The following ENTPD4 variants were observed in gnomAD, a reference collection of about 807,000 sequenced individuals.
ENTPD4 encodes Golgi UDPase.
Under a neutral mutation model 79.1 loss-of-function variants are expected in ENTPD4, and 60 were observed. That is an observed-to-expected ratio of 0.76 (90% CI 0.62 to 0.94). The LOEUF (loss-of-function observed/expected upper bound fraction) is 0.94, where lower values mean the gene tolerates loss of function less well. Among genes scored for constraint, ENTPD4 ranks in the 40% least tolerant of loss-of-function variants. The probability of loss-of-function intolerance (pLI) is 0.00; values close to 1 mark genes in which losing one functional copy is unlikely to be tolerated. For synonymous variants in ENTPD4, 276 were observed against 292.0 expected (o/e 0.95, Z 0.56); for missense variants, 772 against 775.1 (o/e 1.00, Z 0.05).
At chr8:23,439,403 G>C (rs17088182) in intron 9 of ENTPD4, among the ~76,000 whole-genome samples, 36,539 of 152,082 alleles carry the variant, frequency 0.24, 4,638 homozygotes, top group Admixed American at 0.34. Context: ...AGGACACCAC[G>C]AGTGCTCCAG....
intron 5 of ENTPD4, 106 bp downstream of exon 5, chr8:23,444,350 C>A: frequency 1.0e-6 from 1 of 997,088 alleles, no homozygotes; most frequent in South Asian, 1.6e-5. Context: ...ATTTTCCTTT[C>A]AATGATGATG....
Position 23,443,941 on chromosome 8 carries a change from A to C in ENTPD4, c.576T>G (p.Ala192=). 2 of 1,609,768 alleles carry C rather than the reference A, an allele frequency of 1.2e-6. No individual in the cohort carries two copies. Among genetic ancestry groups the C allele is most frequent in the Non-Finnish European group, 1.7e-6 (2 of 1,176,434 alleles). The stretch of plus-strand genomic sequence containing the variant: ...TATCGGTCAGAAGGTCTTCCAGAAT[A>C]GCTTTCTGCTGGCTGTAAAGTAATA... The part of the protein sequence containing the change: ...MRILPESQQK[A]ILEDLLTDIP... The change falls in exon 6 of 13, where the codon GCT becomes GCG. Residue 192 remains alanine (A), a synonymous_variant. Coordinates refer to ENST00000358689, the MANE Select transcript of ENTPD4 (RefSeq NM_004901.5).
At chr8:23,449,870 T>A in intron 2 of ENTPD4, 23 bp downstream of exon 2, 1 of 1,603,560 alleles carries the variant, frequency 6.2e-7, no homozygotes, top group Non-Finnish European at 8.5e-7. Context: ...TCATGTTTCA[T>A]GGTGATTAGG....
rs900248401 is a variant in ENTPD4 at position 23,429,843 on chromosome 8, G to C, written c.*3083C>G. ...GGATGAACATGGGCAAAAAGCACTGGTACAGTTCCATGTGTTTCTCTTCTA... is the reference window on the plus strand; with the variant it reads ...GGATGAACATGGGCAAAAAGCACTGCTACAGTTCCATGTGTTTCTCTTCTA... On this transcript the variant is annotated 3_prime_UTR_variant, in exon 13 of 13. Transcript: ENST00000358689. 5.1e-6 allele frequency: 5 copies of C among 985,312 alleles called. No homozygotes were observed. Among genetic ancestry groups the C allele is most frequent in the Non-Finnish European group, 6.0e-6 (5 of 829,932 alleles). The allele number at this position is 985,312 out of a possible 1,614,324, so 61.0% of individuals were successfully genotyped here.
At chr8:23,453,866 CTG>C (rs528606659) in intron 1 of ENTPD4, among the ~76,000 whole-genome samples, 16 of 152,198 alleles carry the variant, frequency 1.1e-4, no homozygotes, top group Non-Finnish European at 2.2e-4. Context: ...CAGCAAAACA[CTG>C]TTACTAATGT....
At chr8:23,441,399 C>T (rs1172584034) in intron 8 of ENTPD4, 170 bp downstream of exon 8, 4 of 985,206 alleles carry the variant, frequency 4.1e-6, no homozygotes, top group Non-Finnish European at 4.8e-6. Flanking sequence ...ACACAAGCGG[C>T]TCAGCTGAGG....
At chr8:23,438,187 C>T (rs972439655) in intron 9 of ENTPD4, among the ~76,000 whole-genome samples, 2 of 152,186 alleles carry the variant, frequency 1.3e-5, no homozygotes, top group Non-Finnish European at 1.5e-5. Context: ...GAAGAGCTCA[C>T]AAAATCTCAA....
rs1420662362 is a variant in ENTPD4, at chr8:23,430,619, T to G, written c.*2307A>C. ...TAGGCAACTGTTTAAAAATGGCAAA[T>G]CCACTACTACCTCTCAGCTGGAGCA... On this transcript the variant is annotated 3_prime_UTR_variant, in exon 13 of 13. Transcript: ENST00000358689. 1.0e-6 allele frequency: 1 copy of G among 985,324 alleles called. No individual in the cohort carries two copies. Among genetic ancestry groups the G allele is most frequent in the Non-Finnish European group, 1.2e-6 (1 of 829,946 alleles). 61.0% of individuals were successfully genotyped at this position (985,324 alleles called of 1,614,324 possible).
At chr8:23,434,531 GCACACA>G (rs139348326) in intron 11 of ENTPD4, 53 bp from the exon 12 acceptor site, 26 of 1,476,666 alleles carry the variant, frequency 1.8e-5, no homozygotes, top group African/African-American at 5.7e-5. Flanking sequence ...TGTCAAGATG[GCACACA>G]CACACACACA....
chr8:23,457,034 G>C (rs1480511168), intron 1 of ENTPD4, among the ~76,000 whole-genome samples: 1 of 152,204 alleles, frequency 6.6e-6, no homozygotes, highest in African/African-American at 2.4e-5. Flanking sequence ...TCCTTTAAAA[G>C]GGGTCCGCGC....
rs1278393551 is a variant in ENTPD4, at chr8:23,447,711, G to A, written c.381C>T (p.Asn127=). ...LLDIRQMRDK[N]RKPVVMKIKP... ...TTATCTTCATGACCACTGGCTTTCG[G>A]TTTTTATCCCTCATTTGCCTGATAT... The change falls in exon 4 of 13, where the codon AAC becomes AAT. Residue 127 remains asparagine, a synonymous_variant. Transcript: ENST00000358689. The A allele has an allele frequency of 1.9e-6, 3 of 1,613,984 alleles. No individual in the cohort carries two copies. Among genetic ancestry groups the A allele is most frequent in the Non-Finnish European group, 2.5e-6 (3 of 1,180,000 alleles).
chr8:23,438,102 T>A (rs1209920959), intron 9 of ENTPD4, among the ~76,000 whole-genome samples: 2 of 152,248 alleles, frequency 1.3e-5, no homozygotes, highest in Non-Finnish European at 2.9e-5. Flanking sequence ...GGCTTATTAC[T>A]TGCTAATGAA....
chr8:23,445,829 G>C (rs1188774149), intron 4 of ENTPD4, among the ~76,000 whole-genome samples: 1 of 152,182 alleles, frequency 6.6e-6, no homozygotes, highest in Non-Finnish European at 1.5e-5. Flanking sequence ...CAGGTGCCCA[G>C]CATGTATCTG....
In ENTPD4 at chr8:23,430,040, C is replaced by T. The variant is rs1462897849; in HGVS notation, c.*2886G>A. 1.0e-6 allele frequency: 1 copy of T among 985,358 alleles called. No homozygotes were observed. Among genetic ancestry groups the T allele is most frequent in the Non-Finnish European group, 1.2e-6 (1 of 829,954 alleles). 61.0% of individuals were successfully genotyped at this position (985,358 alleles called of 1,614,324 possible). ...ATAAAGCTTTGGGCAAGTTCCTAGT[C>T]CAATTTCTTCTGCTACAAGTACACA... On this transcript the variant is annotated 3_prime_UTR_variant, in exon 13 of 13. Transcript: ENST00000358689.
rs1800440183 is a variant in ENTPD4, at chr8:23,430,773, C to G, written c.*2153G>C. 2 of 985,600 alleles carry G rather than the reference C, an allele frequency of 2.0e-6. No individual in the cohort carries two copies. Among genetic ancestry groups the G allele is most frequent in the African/African-American group, 1.7e-5 (1 of 57,222 alleles). 61.1% of individuals were successfully genotyped at this position (985,600 alleles called of 1,614,324 possible). ...TGCCCACTTCAACCATTTGTGGCCC[C>G]TTCCTTTCCTTTCTTCCCTCTCTGC... is the stretch of plus-strand genomic sequence containing the variant. On this transcript the variant is annotated 3_prime_UTR_variant, in exon 13 of 13. Transcript: ENST00000358689.
At chr8:23,448,384 C>A (rs529497403) in intron 3 of ENTPD4, among the ~76,000 whole-genome samples, 8 of 152,102 alleles carry the variant, frequency 5.3e-5, no homozygotes, top group Non-Finnish European at 1.2e-4. Context: ...ATGTCTGGGG[C>A]CCCCCAAAAT....
Position 23,448,754 on chromosome 8 carries a change from T to C in ENTPD4, c.194A>G (p.Lys65Arg). 6.2e-7 allele frequency: 1 copy of C among 1,613,894 alleles called. No individual in the cohort carries two copies. The highest frequency in any genetic ancestry group is 1.3e-5 in the African/African-American group (1 of 75,034). Residue 65 changes from lysine to arginine, a missense_variant, in exon 3 of 13, where the codon AAG (lysine) becomes AGG (arginine). Lys to Arg is a conservative substitution (Grantham distance 26). Coordinates refer to ENST00000358689, the MANE Select transcript of ENTPD4 (RefSeq NM_004901.5). ...TTTTATCTCTTACCTTTGAAATTTC[T>C]TGTCTCTGGTTAGTCGCCCATACTT... ...RNKYGRLTRD[K>R]KFQRYLARVT...
At chr8:23,456,805 T>G (rs1489018354) in intron 1 of ENTPD4, among the ~76,000 whole-genome samples, 1 of 152,230 alleles carries the variant, frequency 6.6e-6, no homozygotes, top group Non-Finnish European at 1.5e-5. Context: ...CAACAAAGAC[T>G]GCAATGCGAA....
rs748960814 is a variant in ENTPD4 at position 23,448,872 on chromosome 8, T to C, written c.76A>G (p.Ile26Val). ...ATTTGGCGTAAATTGGTATTCAGAA[T>C]TCGAGGACACCCTACTGGAGATATG... ...FSISPVGCPR[I>V]LNTNLRQIMV... Residue 26 changes from isoleucine (I) to valine (V), a missense_variant, in exon 3 of 13, where the codon ATT becomes GTT. Coordinates refer to ENST00000358689, the MANE Select transcript of ENTPD4 (RefSeq NM_004901.5). The C allele has an allele frequency of 6.2e-7, 1 of 1,614,104 alleles. No individual in the cohort carries two copies. The highest frequency in any genetic ancestry group is 1.1e-5 in the South Asian group (1 of 91,066).
Sources: allele counts gnomAD v4.1 joint callset (sites outside exome capture counted in the v4.1 genomes callset), GRCh38; gene constraint gnomAD v4.1.1; transcripts MANE v1.5; gene names NCBI Gene and HGNC (gene_info 2026-07-23, HGNC 2026-07-21).